Variants in DIS3L2 observed in about 807,000 individuals in gnomAD.
DIS3L2 encodes DIS3 like 3'-5' exoribonuclease 2.
DIS3L2 carries 34 observed loss-of-function variants against 97.5 expected under a neutral mutation model. That is an observed-to-expected ratio of 0.35 (90% CI 0.27 to 0.46). The LOEUF (loss-of-function observed/expected upper bound fraction) is 0.46, where lower values mean the gene tolerates loss of function less well. Among genes scored for constraint, DIS3L2 ranks in the 20% least tolerant of loss-of-function variants. The pLI is 1.00. For synonymous variants in DIS3L2, 435 were observed against 445.2 expected, an observed-to-expected ratio of 0.98 and a Z score of 0.29; for missense variants, 1,038 against 1,146.0, an observed-to-expected ratio of 0.91 and a Z score of 1.36.
intron 13 of DIS3L2, among the ~76,000 whole-genome samples, chr2:232,295,822 T>C (rs1229395512): frequency 6.6e-6 from 1 of 152,260 alleles, no homozygotes; most frequent in Admixed American, 6.5e-5. Flanking sequence ...TGTTTGGGAA[T>C]GTTCTCTGTT....
chr2:232,010,061 G>C (rs1423821352), intron 1 of DIS3L2, among the ~76,000 whole-genome samples: 1 of 152,142 alleles, frequency 6.6e-6, no homozygotes, highest in South Asian at 2.1e-4. Flanking sequence ...GATGATAGGA[G>C]CCCCAGGCTA....
intron 10 of DIS3L2, among the ~76,000 whole-genome samples, chr2:232,216,902 G>A (rs1692355339): frequency 6.6e-6 from 1 of 150,830 alleles, no homozygotes; most frequent in African/African-American, 2.4e-5. Context: ...GAGGGCAGTG[G>A]TGCAATCTCT....
In DIS3L2 at chr2:231,972,626, C is replaced by T. The variant is rs545278406; in HGVS notation, c.-94+10861C>T. ...TGGTGCAATCTCAGCTCACTGCAACCTTTGCCTCCTGGGTTCAAGCGATTC... is the reference window on the plus strand; with the variant it reads ...TGGTGCAATCTCAGCTCACTGCAACTTTTGCCTCCTGGGTTCAAGCGATTC... On this transcript the variant is annotated intron_variant, in intron 1 of 20. Transcript: ENST00000325385. 2.0e-5 allele frequency among the ~76,000 whole-genome samples: 3 copies of T among 152,334 alleles called. No individual in the cohort carries two copies. The South Asian group carries it at 6.2e-4, about 32-fold the overall frequency.
chr2:232,030,386 T>C (rs1440226674), intron 5 of DIS3L2, among the ~76,000 whole-genome samples: 2 of 152,294 alleles, frequency 1.3e-5, no homozygotes, highest in East Asian at 3.9e-4. Context: ...TTGGTATGTA[T>C]TATTTTCCTA....
intron 14 of DIS3L2, among the ~76,000 whole-genome samples, chr2:232,327,452 G>A (rs1695610226): frequency 6.6e-6 from 1 of 152,242 alleles, no homozygotes; most frequent in Admixed American, 6.5e-5. Flanking sequence ...CCAGAACCGT[G>A]CCTGGCACAT....
At chr2:232,189,433 G>C (rs1246673889) in intron 9 of DIS3L2, among the ~76,000 whole-genome samples, 1 of 152,164 alleles carries the variant, frequency 6.6e-6, no homozygotes, top group East Asian at 1.9e-4. Flanking sequence ...AGCTTGGATG[G>C]ATCTTCAGTC....
intron 13 of DIS3L2, among the ~76,000 whole-genome samples, chr2:232,285,287 A>C (rs1400049281): frequency 2.0e-5 from 3 of 152,104 alleles, no homozygotes; most frequent in Non-Finnish European, 4.4e-5. Context: ...AAGCCAACCT[A>C]TCTCTCACCT....
At chr2:232,334,601 G>A in intron 18 of DIS3L2, 30 bp from the exon 19 acceptor site, 1 of 1,601,264 alleles carries the variant, frequency 6.2e-7, no homozygotes, top group African/African-American at 1.3e-5. Flanking sequence ...AGTGCCAGGA[G>A]GTGCCATGGC....
chr2:232,005,170 ATTTTT>A (rs55757645), intron 1 of DIS3L2, among the ~76,000 whole-genome samples: 2 of 126,562 alleles, frequency 1.6e-5, no homozygotes, highest in Non-Finnish European at 3.2e-5. Context: ...AAGAATCTTG[ATTTTT>A]TTTTTTTTTT....
At chr2:232,332,845 A>G (rs548555463) in intron 16 of DIS3L2, among the ~76,000 whole-genome samples, 10 of 152,280 alleles carry the variant, frequency 6.6e-5, no homozygotes, top group Non-Finnish European at 1.3e-4. Context: ...GATCAGTGCC[A>G]GAGGGGATGA....
intron 14 of DIS3L2, among the ~76,000 whole-genome samples, chr2:232,316,050 A>G (rs1311046858): frequency 6.6e-6 from 1 of 152,152 alleles, no homozygotes; most frequent in East Asian, 1.9e-4. Context: ...GACATGGCTC[A>G]TCACCTGGGG....
chr2:232,205,021 C>G (rs1266916630), intron 9 of DIS3L2, among the ~76,000 whole-genome samples: 1 of 152,098 alleles, frequency 6.6e-6, no homozygotes, highest in African/African-American at 2.4e-5. Flanking sequence ...TCTGCTGCTA[C>G]AGTAGAAATA....
At chr2:232,295,169 A>G (rs1694693964) in intron 13 of DIS3L2, among the ~76,000 whole-genome samples, 1 of 152,082 alleles carries the variant, frequency 6.6e-6, no homozygotes, top group Non-Finnish European at 1.5e-5. Context: ...GTGGCCTCCG[A>G]ATACTCCCTG....
At chr2:232,291,295 C>G (rs980133046) in intron 13 of DIS3L2, among the ~76,000 whole-genome samples, 1 of 152,220 alleles carries the variant, frequency 6.6e-6, no homozygotes, top group Non-Finnish European at 1.5e-5. Flanking sequence ...AAGAAAAACT[C>G]AAGATCATCT....
chr2:232,052,831 G>T (rs1255964090), intron 5 of DIS3L2, among the ~76,000 whole-genome samples: 10 of 151,634 alleles, frequency 6.6e-5, no homozygotes, highest in Admixed American at 1.3e-4. Context: ...CATATTATAG[G>T]GCCCTTTATA....
At chr2:232,239,518 C>G (rs891257666) in intron 11 of DIS3L2, among the ~76,000 whole-genome samples, 2 of 152,204 alleles carry the variant, frequency 1.3e-5, no homozygotes, top group African/African-American at 2.4e-5. Flanking sequence ...TCGGCCATAT[C>G]TGGACTTCCA....
intron 14 of DIS3L2, 24 bp from the exon 15 acceptor site, chr2:232,329,789 T>TGGC: frequency 1.1e-5 from 4 of 368,606 alleles, no homozygotes; most frequent in Non-Finnish European, 2.0e-5. Flanking sequence ...CAGCGGTCCC[T>TGGC]CCCATCCCAC....
chr2:232,163,567 A>G lies in DIS3L2; in HGVS notation c.1059A>G (p.Glu353=). 6.2e-7 allele frequency: 1 copy of G among 1,614,158 alleles called. No homozygotes were observed. Among genetic ancestry groups the G allele is most frequent in the Non-Finnish European group, 8.5e-7 (1 of 1,180,018 alleles). Residue 353 remains glutamate, a synonymous_variant, in exon 9 of 21, where the codon GAA becomes GAG. Coordinates refer to ENST00000325385, the MANE Select transcript of DIS3L2 (RefSeq NM_152383.5). The part of the protein sequence containing the change: ...DFSDFSSEVL[E]CLPQGLPWTI... ...CTGATTTCTCTTCAGAAGTTCTAGA[A>G]TGTCTTCCTCAAGGCCTGCCATGGA...
chr2:232,321,025 G>A (rs920990735), intron 14 of DIS3L2, among the ~76,000 whole-genome samples: 1 of 152,202 alleles, frequency 6.6e-6, no homozygotes, highest in African/African-American at 2.4e-5. Flanking sequence ...GGGCTTGGGT[G>A]CGGGGAGCAG....
Sources: allele counts gnomAD v4.1 joint callset (sites outside exome capture counted in the v4.1 genomes callset), GRCh38; gene constraint gnomAD v4.1.1; transcripts MANE v1.5; gene names NCBI Gene and HGNC (gene_info 2026-07-23, HGNC 2026-07-21).